The following B4GALNT2 variants were observed in gnomAD, a reference collection of about 807,000 sequenced individuals.
The protein encoded by B4GALNT2 is N-acetylneuraminylgalactosylglucosyl-glucoside beta-1,4-N- acetylgalactosaminyltransferase 2.
A neutral mutation model predicts 51.1 loss-of-function variants in B4GALNT2; 42 were observed. The observed-to-expected ratio is 0.82, with a 90% CI of 0.64 to 1.06. B4GALNT2 has a LOEUF of 1.06. Ranked by LOEUF, B4GALNT2 falls within the 50% of genes least tolerant of loss-of-function variation. The pLI is 0.00. For synonymous variants in B4GALNT2, 253 were observed against 251.7 expected (o/e 1.01, Z -0.05); for missense variants, 602 against 633.6 (o/e 0.95, Z 0.54).
chr17:49,138,926 C>T (rs1048871858), intron 1 of B4GALNT2, among the ~76,000 whole-genome samples: 17 of 152,204 alleles, frequency 1.1e-4, no homozygotes, highest in Admixed American at 9.8e-4. Flanking sequence ...AATAAAACTT[C>T]TCTTGTTATG....
rs1313772118 is a variant in B4GALNT2, at chr17:49,170,524, C to A, written c.*796C>A. The A allele has an allele frequency of 1.3e-5, 2 of 152,184 alleles. No individual in the cohort carries two copies. Among genetic ancestry groups the A allele is most frequent in the Admixed American group, 1.3e-4 (2 of 15,276 alleles). 9.4% of individuals were successfully genotyped at this position (152,184 alleles called of 1,614,324 possible). A position where few individuals can be genotyped will look rare whatever the true frequency, so the allele number is the denominator to read the frequency against. ...CAGACAGTGTGAGTGTGGTGACAAG[C>A]CACTAAACTCCAGGGACCTGAGGCC... On this transcript the variant is annotated 3_prime_UTR_variant, in exon 11 of 11. Coordinates refer to ENST00000393354, the MANE Select transcript of B4GALNT2 (RefSeq NM_001159387.2).
upstream of B4GALNT2, among the ~76,000 whole-genome samples, chr17:49,130,408 T>G (rs1486763319): frequency 6.6e-6 from 1 of 152,144 alleles, no homozygotes; most frequent in East Asian, 1.9e-4. Context: ...GAGGCTGAGG[T>G]GGGTGGATCA....
chr17:49,136,261 CTTAA>C (rs995436919), intron 1 of B4GALNT2, among the ~76,000 whole-genome samples: 20 of 151,666 alleles, frequency 1.3e-4, no homozygotes, highest in Non-Finnish European at 2.5e-4. Context: ...TGGTAATTTG[CTTAA>C]TTCTTTATTT....
intron 3 of B4GALNT2, chr17:49,148,551 G>T (rs1011723290): frequency 7.6e-6 from 3 of 392,576 alleles, no homozygotes; most frequent in Non-Finnish European, 1.5e-5. Flanking sequence ...AATCTCTGGG[G>T]GCAGATGGAG....
At chr17:49,139,763 G>C (rs2042623031) in intron 1 of B4GALNT2, among the ~76,000 whole-genome samples, 1 of 152,078 alleles carries the variant, frequency 6.6e-6, no homozygotes. Context: ...TGATCCTCCT[G>C]CCTAGGTCTC....
At chr17:49,132,273 T>C (rs916349561), upstream of B4GALNT2, among the ~76,000 whole-genome samples, 2 of 152,190 alleles carry the variant, frequency 1.3e-5, no homozygotes, top group Non-Finnish European at 2.9e-5. Context: ...GACTCTTTCT[T>C]CCAGGCACAC....
the B4GALNT2 span, among the ~76,000 whole-genome samples, chr17:49,122,390 G>T: frequency 6.6e-6 from 1 of 152,156 alleles, no homozygotes; most frequent in Admixed American, 6.5e-5. Context: ...GAGTTTTCTG[G>T]TCTCAGATTG....
intron 5 of B4GALNT2, among the ~76,000 whole-genome samples, chr17:49,157,622 G>T (rs993949614): frequency 1.3e-5 from 2 of 152,026 alleles, no homozygotes; most frequent in South Asian, 2.1e-4. Flanking sequence ...CTGGCCCCTG[G>T]TTACTTATTT....
intron 3 of B4GALNT2, chr17:49,148,519 T>C: frequency 2.9e-6 from 1 of 350,830 alleles, no homozygotes; most frequent in Non-Finnish European, 5.6e-6. Flanking sequence ...TCTGGACAGC[T>C]GTGGCATAAG....
the B4GALNT2 span, among the ~76,000 whole-genome samples, chr17:49,121,300 G>A: frequency 6.6e-6 from 1 of 152,178 alleles, no homozygotes; most frequent in African/African-American, 2.4e-5. Context: ...TTTTGGGGTG[G>A]CTCAAATTGT....
In B4GALNT2 at chr17:49,165,704, C is replaced by T. The variant is rs756517901; in HGVS notation, c.955-410C>T. On this transcript the variant is annotated intron_variant, in intron 8 of 10. Transcript: ENST00000393354. ...TCTCATTTTCTTCCTCCCTCTCTCT[C>T]CCCCTTCCTTCCTCCAAGGACAAAG... Among the ~76,000 whole-genome samples, 87 of 151,102 alleles carry T rather than the reference C, an allele frequency of 5.8e-4. 1 individual carries two copies. Among genetic ancestry groups the T allele is most frequent in the Non-Finnish European group, 8.0e-4 (54 of 67,852 alleles).
At position 49,171,795 on chromosome 17, in the gene B4GALNT2, C is replaced by T; in HGVS notation, c.*2067C>T. ...CAGCACCTCTACCTGTTCTGCAATG[C>T]AATCTTCCCAAACAAGTACATTCAT... On this transcript the variant is annotated 3_prime_UTR_variant, in exon 11 of 11. Transcript: ENST00000393354. 4.8e-6 allele frequency: 2 copies of T among 414,746 alleles called. No homozygotes were observed. The highest frequency in any genetic ancestry group is 3.0e-5 in the Admixed American group (1 of 33,240). 25.7% of individuals were successfully genotyped at this position (414,746 alleles called of 1,614,324 possible).
At chr17:49,120,762 G>A in the B4GALNT2 span, among the ~76,000 whole-genome samples, 2 of 151,886 alleles carry the variant, frequency 1.3e-5, no homozygotes, top group Non-Finnish European at 1.5e-5. Context: ...CATCCACCTC[G>A]GCTTCCCAAA....
At chr17:49,130,580 G>A, upstream of B4GALNT2, among the ~76,000 whole-genome samples, 1 of 152,224 alleles carries the variant, frequency 6.6e-6, no homozygotes. Context: ...AGAGGTTGCA[G>A]TGAGCCAAGA....
intron 1 of B4GALNT2, among the ~76,000 whole-genome samples, chr17:49,140,917 C>A (rs901823813): frequency 2.0e-5 from 3 of 152,040 alleles, no homozygotes; most frequent in Admixed American, 6.6e-5. Context: ...CTGGGTTTCA[C>A]CATGTTGGCC....
intron 3 of B4GALNT2, chr17:49,148,625 C>T: frequency 1.9e-6 from 1 of 537,278 alleles, no homozygotes; most frequent in Non-Finnish European, 3.5e-6. Flanking sequence ...TCCAGGCAAA[C>T]CGTTCCTGCA....
the B4GALNT2 span, among the ~76,000 whole-genome samples, chr17:49,124,241 T>C: frequency 2.3e-3 from 358 of 152,358 alleles, 1 homozygote; most frequent in African/African-American, 8.2e-3. Context: ...TTGATATTAA[T>C]GAACGTTTTA....
chr17:49,175,795 C>T lies in B4GALNT2; in HGVS notation c.*6067C>T, dbSNP rs898712622. 1 of 152,168 alleles carries T rather than the reference C, an allele frequency of 6.6e-6. No individual in the cohort carries two copies. Among genetic ancestry groups the T allele is most frequent in the Non-Finnish European group, 1.5e-5 (1 of 68,038 alleles). 9.4% of individuals were successfully genotyped at this position (152,168 alleles called of 1,614,324 possible). A position where few individuals can be genotyped will look rare whatever the true frequency, so the allele number is the denominator to read the frequency against. Reference sequence around the variant, plus strand: ...TCACTCGAGGCACTGCTAGAACAGTCACTGGGGCAACTACTTTTCACCCAG... The same window carrying T: ...TCACTCGAGGCACTGCTAGAACAGTTACTGGGGCAACTACTTTTCACCCAG... On this transcript the variant is annotated 3_prime_UTR_variant, in exon 11 of 11. Transcript: ENST00000393354.
Position 49,164,118 on chromosome 17 carries a change from C to A in B4GALNT2, c.797C>A (p.Ala266Asp), listed in dbSNP as rs781451742. The A allele has an allele frequency of 3.7e-6, 6 of 1,614,138 alleles. No individual in the cohort carries two copies. In the East Asian group the frequency reaches 1.3e-4, roughly 36 times the overall value. The change falls in exon 8 of 11, where the codon GCT (alanine) becomes GAT (aspartate). Residue 266 changes from alanine (A) to aspartate (D), a missense_variant. Coordinates refer to ENST00000393354, the MANE Select transcript of B4GALNT2 (RefSeq NM_001159387.2). ...AAGCTCAGAAACCTGGTTACCATTG[C>A]TACCAAGACTTTCCTCCGCCCCCAC... is the stretch of plus-strand genomic sequence containing the variant. The part of the protein sequence containing the change: ...ERKLRNLVTI[A>D]TKTFLRPHKL...
Sources: gnomAD v4.1 joint callset for allele counts (sites outside exome capture counted in the v4.1 genomes callset) on GRCh38, gnomAD v4.1.1 for gene constraint, MANE v1.5 for transcripts, NCBI Gene and HGNC (gene_info 2026-07-23, HGNC 2026-07-21) for gene names.